The following MAD1L1 variants were observed in gnomAD, a reference collection of about 807,000 sequenced individuals.
MAD1L1 encodes the protein mitotic arrest deficient 1 like 1.
A neutral mutation model predicts 96.9 loss-of-function variants in MAD1L1; 95 were observed. That is an observed-to-expected ratio of 0.98 (90% CI 0.83 to 1.16). MAD1L1 has a LOEUF of 1.16. MAD1L1 is among the 50% of genes most tolerant of loss of function. The probability of loss-of-function intolerance (pLI) is 0.00; values close to 1 mark genes in which losing one functional copy is unlikely to be tolerated. For synonymous variants in MAD1L1, 473 were observed against 396.6 expected, an observed-to-expected ratio of 1.19 and a Z score of -2.29; for missense variants, 1,007 against 954.4, an observed-to-expected ratio of 1.06 and a Z score of -0.73.
chr7:2,149,826 C>T (rs1001978463), intron 10 of MAD1L1, among the ~76,000 whole-genome samples: 2 of 152,204 alleles, frequency 1.3e-5, no homozygotes, highest in Non-Finnish European at 1.5e-5. Flanking sequence ...CAGCTGAGCT[C>T]GGCCCGAGCC....
chr7:2,024,389 G>C (rs939015214), intron 12 of MAD1L1, among the ~76,000 whole-genome samples: 1 of 152,172 alleles, frequency 6.6e-6, no homozygotes. Context: ...CACACAGAGG[G>C]CCTTCACCAC....
chr7:2,098,245 C>G (rs953072832), intron 11 of MAD1L1, among the ~76,000 whole-genome samples: 1 of 152,212 alleles, frequency 6.6e-6, no homozygotes, highest in Non-Finnish European at 1.5e-5. Flanking sequence ...GCCAAAGCCC[C>G]GTAGCACCAG....
rs60109224 is a variant in MAD1L1 at position 2,140,432 on chromosome 7, T to G, written c.1073+8720A>C. 4.9e-4 allele frequency among the ~76,000 whole-genome samples: 74 copies of G among 152,300 alleles called. 1 individual carries two copies. The East Asian group carries it at 0.014, about 29-fold the overall frequency. The stretch of plus-strand genomic sequence containing the variant: ...AGGGCCGAATGGCCCTCCGAGGCCC[T>G]AGCTGCAGCCGCAGCCGCAAAGCCG... On this transcript the variant is annotated intron_variant, in intron 11 of 18. Transcript: ENST00000265854.
chr7:2,136,977 C>A (rs931383126), intron 11 of MAD1L1, among the ~76,000 whole-genome samples: 1 of 152,140 alleles, frequency 6.6e-6, no homozygotes, highest in Non-Finnish European at 1.5e-5. Flanking sequence ...CTGATGATGC[C>A]CTGGGCTTGG....
chr7:2,135,256 T>G (rs1362031437), intron 11 of MAD1L1, among the ~76,000 whole-genome samples: 2 of 152,180 alleles, frequency 1.3e-5, no homozygotes, highest in African/African-American at 4.8e-5. Context: ...GGGGCCAGAC[T>G]TATTCCACAG....
chr7:1,860,071 G>A (rs1323979532), intron 18 of MAD1L1, among the ~76,000 whole-genome samples: 2 of 142,568 alleles, frequency 1.4e-5, no homozygotes, highest in African/African-American at 5.3e-5. Context: ...CTGGCGGGGC[G>A]GCCTCTGTGT....
chr7:2,232,272 C>G lies in MAD1L1; in HGVS notation c.-190+600G>C, dbSNP rs547904723. On this transcript the variant is annotated intron_variant, in intron 1 of 18. Coordinates refer to ENST00000265854, the MANE Select transcript of MAD1L1 (RefSeq NM_001013836.2). ...GGCCTGGTGCAAGCAGAGGCCTGAG[C>G]TCCCCAGGCTGCCAGCCCCGCAGAG... Among the ~76,000 whole-genome samples, 246 of 152,380 alleles carry G rather than the reference C, an allele frequency of 1.6e-3. 1 individual carries two copies. The highest frequency in any genetic ancestry group is 5.6e-3 in the African/African-American group (231 of 41,602).
intron 18 of MAD1L1, among the ~76,000 whole-genome samples, chr7:1,844,459 T>C (rs1248329906): frequency 3.3e-5 from 5 of 151,850 alleles, no homozygotes; most frequent in Non-Finnish European, 7.4e-5. Flanking sequence ...GTGTGGGACA[T>C]GGACGGCATT....
At chr7:2,069,016 G>C (rs1021138098) in intron 12 of MAD1L1, among the ~76,000 whole-genome samples, 178 bp downstream of exon 12, 1 of 152,198 alleles carries the variant, frequency 6.6e-6, no homozygotes, top group South Asian at 2.1e-4. Flanking sequence ...GTCCCACAGG[G>C]AGCACCGGGG....
Position 2,101,725 on chromosome 7 carries a change from G to T in MAD1L1, c.1074-32387C>A, listed in dbSNP as rs1030197830. Among the ~76,000 whole-genome samples the T allele has an allele frequency of 5.3e-5, 8 of 152,282 alleles. 1 individual carries two copies. The highest frequency in any genetic ancestry group is 1.7e-4 in the African/African-American group (7 of 41,526). ...ACTTACCAAAGTGAGCAGCCTCTATGCTGCCACCCACCAGACTACCGGCTC... is the reference window on the plus strand; with the variant it reads ...ACTTACCAAAGTGAGCAGCCTCTATTCTGCCACCCACCAGACTACCGGCTC... On this transcript the variant is annotated intron_variant, in intron 11 of 18. Transcript: ENST00000265854.
At chr7:1,969,093 T>C (rs1279207128) in intron 15 of MAD1L1, among the ~76,000 whole-genome samples, 3 of 152,150 alleles carry the variant, frequency 2.0e-5, no homozygotes, top group Non-Finnish European at 4.4e-5. Flanking sequence ...TTTCAAAAAA[T>C]CGACTGTTGG....
intron 18 of MAD1L1, among the ~76,000 whole-genome samples, chr7:1,836,250 G>A (rs1782932432): frequency 6.6e-6 from 1 of 152,142 alleles, no homozygotes; most frequent in African/African-American, 2.4e-5. Context: ...TTGAACTCCT[G>A]ATCTCATGAT....
At chr7:2,106,554 G>A (rs1003322311) in intron 11 of MAD1L1, among the ~76,000 whole-genome samples, 3 of 152,130 alleles carry the variant, frequency 2.0e-5, no homozygotes, top group African/African-American at 7.2e-5. Context: ...TCTCCCAGGG[G>A]TGGGGGGAGA....
chr7:1,883,832 C>T (rs937070517), intron 18 of MAD1L1, among the ~76,000 whole-genome samples: 3 of 152,194 alleles, frequency 2.0e-5, no homozygotes, highest in Non-Finnish European at 2.9e-5. Flanking sequence ...CTCCCAGCTC[C>T]GAGTTCCAGG....
chr7:2,164,883 C>A (rs1790349400), intron 10 of MAD1L1, among the ~76,000 whole-genome samples: 1 of 152,088 alleles, frequency 6.6e-6, no homozygotes, highest in Non-Finnish European at 1.5e-5. Context: ...ATCCCCAAGG[C>A]CCAGAGGAGG....
chr7:2,191,883 T>C (rs1032658038), intron 10 of MAD1L1, among the ~76,000 whole-genome samples: 8 of 151,764 alleles, frequency 5.3e-5, no homozygotes, highest in Non-Finnish European at 8.8e-5. Flanking sequence ...ATACAAAAAC[T>C]AGCCGGGCGC....
chr7:2,200,511 A>AC (rs1792233817), intron 10 of MAD1L1: 1 of 145,502 alleles, frequency 6.9e-6, no homozygotes, highest in African/African-American at 2.8e-5. Flanking sequence ...CCCAGGTAAG[A>AC]CACGCACACG....
intron 17 of MAD1L1, among the ~76,000 whole-genome samples, chr7:1,920,556 G>C (rs1376726351): frequency 6.6e-6 from 1 of 152,244 alleles, no homozygotes; most frequent in East Asian, 1.9e-4. Context: ...GTGCAGGTGT[G>C]GGGTGGGCGG....
At chr7:2,145,321 C>G (rs1323171621) in intron 11 of MAD1L1, among the ~76,000 whole-genome samples, 2 of 152,254 alleles carry the variant, frequency 1.3e-5, no homozygotes, top group Admixed American at 1.3e-4. Context: ...TCCTCGCAAC[C>G]CTGGAAAGCA....
Sources: allele counts gnomAD v4.1 joint callset (sites outside exome capture counted in the v4.1 genomes callset), GRCh38; gene constraint gnomAD v4.1.1; transcripts MANE v1.5; gene names NCBI Gene and HGNC (gene_info 2026-07-23, HGNC 2026-07-21).